Variants in SCD5 observed in about 807,000 individuals in gnomAD.
The protein encoded by SCD5 is stearoyl-CoA desaturase 5.
A neutral mutation model predicts 30.4 loss-of-function variants in SCD5; 20 were observed. That is an observed-to-expected ratio of 0.66 (90% CI 0.46 to 0.96). SCD5 has a LOEUF of 0.96. Among genes scored for constraint, SCD5 ranks in the 40% least tolerant of loss-of-function variants. The probability of loss-of-function intolerance (pLI) is 0.00; values close to 1 mark genes in which losing one functional copy is unlikely to be tolerated. For synonymous variants in SCD5, 173 were observed against 176.4 expected (o/e 0.98, Z 0.16); for missense variants, 381 against 443.3 (o/e 0.86, Z 1.26).
At chr4:82,746,942 G>A (rs13114875) in intron 1 of SCD5, among the ~76,000 whole-genome samples, 97,552 of 151,640 alleles carry the variant, frequency 0.64, 32,945 homozygotes, top group Non-Finnish European at 0.75. Context: ...TTAAGTGGAC[G>A]CAGACACAAG....
intron 1 of SCD5, among the ~76,000 whole-genome samples, chr4:82,769,527 G>A (rs1721572659): frequency 6.6e-6 from 1 of 152,036 alleles, no homozygotes; most frequent in Admixed American, 6.6e-5. Context: ...TTTCAGTATT[G>A]AACTGGGGAA....
chr4:82,721,677 G>C (rs1303117240), intron 1 of SCD5, among the ~76,000 whole-genome samples: 1 of 152,166 alleles, frequency 6.6e-6, no homozygotes, highest in East Asian at 1.9e-4. Flanking sequence ...AAGGAGAGAG[G>C]CCTGGAACAA....
intron 3 of SCD5, among the ~76,000 whole-genome samples, chr4:82,677,956 C>T (rs1728471401): frequency 6.6e-6 from 1 of 151,954 alleles, no homozygotes; most frequent in Non-Finnish European, 1.5e-5. Context: ...CAGCCAGGAG[C>T]ATGCCTTTAA....
intron 2 of SCD5, among the ~76,000 whole-genome samples, chr4:82,690,984 C>T (rs1373213425): frequency 6.6e-6 from 1 of 150,810 alleles, no homozygotes; most frequent in East Asian, 1.9e-4. Flanking sequence ...AAAGGAGGAC[C>T]TTAATATAGG....
intron 2 of SCD5, among the ~76,000 whole-genome samples, chr4:82,681,135 C>T (rs891552967): frequency 3.9e-5 from 6 of 152,104 alleles, no homozygotes; most frequent in African/African-American, 9.7e-5. Context: ...TCTCAGCTTA[C>T]GTGTGGGACG....
At chr4:82,747,281 T>C (rs977251128) in intron 1 of SCD5, among the ~76,000 whole-genome samples, 1 of 152,216 alleles carries the variant, frequency 6.6e-6, no homozygotes, top group Non-Finnish European at 1.5e-5. Context: ...CTCTGAGGGA[T>C]AGATGATATT....
intron 1 of SCD5, among the ~76,000 whole-genome samples, chr4:82,740,446 T>C (rs890985919): frequency 2.0e-5 from 3 of 152,238 alleles, no homozygotes; most frequent in African/African-American, 4.8e-5. Context: ...AGTATCAGGC[T>C]AACATCTCAT....
intron 1 of SCD5, among the ~76,000 whole-genome samples, chr4:82,724,204 TTTGACAG>T (rs1159020168): frequency 1.3e-5 from 2 of 152,244 alleles, no homozygotes; most frequent in African/African-American, 4.8e-5. Context: ...AACAAGTGTC[TTTGACAG>T]TTGATAACAA....
At chr4:82,638,002 G>GC (rs1243573862) in intron 3 of SCD5, among the ~76,000 whole-genome samples, 1 of 152,014 alleles carries the variant, frequency 6.6e-6, no homozygotes, top group Non-Finnish European at 1.5e-5. Context: ...TCCCCTCCCT[G>GC]CCCCACTGAC....
chr4:82,769,988 CT>C (rs1235724727), intron 1 of SCD5, among the ~76,000 whole-genome samples: 1 of 151,890 alleles, frequency 6.6e-6, no homozygotes, highest in African/African-American at 2.4e-5. Context: ...TGTTTTTCCC[CT>C]CCCACACCCT....
At chr4:82,661,122 G>C in intron 3 of SCD5, 1 of 1,566,072 alleles carries the variant, frequency 6.4e-7, no homozygotes, top group Non-Finnish European at 8.8e-7. Flanking sequence ...ACCCAGGTTT[G>C]TTCAGCAAGG....
At chr4:82,723,401 G>T (rs1284736994) in intron 1 of SCD5, among the ~76,000 whole-genome samples, 7 of 152,080 alleles carry the variant, frequency 4.6e-5, no homozygotes, top group African/African-American at 1.7e-4. Flanking sequence ...GGGCAGCAGA[G>T]AACTTTTATT....
intron 1 of SCD5, among the ~76,000 whole-genome samples, chr4:82,743,598 C>T (rs1032800276): frequency 3.9e-5 from 6 of 151,978 alleles, no homozygotes; most frequent in Non-Finnish European, 7.4e-5. Flanking sequence ...ACGGGCTCAC[C>T]GCAACTTCTA....
chr4:82,752,589 G>C (rs1037028113), intron 1 of SCD5, among the ~76,000 whole-genome samples: 2 of 152,122 alleles, frequency 1.3e-5, no homozygotes, highest in African/African-American at 4.8e-5. Context: ...GGTTGTTCCA[G>C]GGAGCATGAT....
intron 1 of SCD5, among the ~76,000 whole-genome samples, chr4:82,746,970 A>G (rs56342754): frequency 0.64 from 96,825 of 151,436 alleles, 32,613 homozygotes; most frequent in Non-Finnish European, 0.75. Context: ...GGGGGAGAGG[A>G]GGAACGGGGA....
intron 3 of SCD5, among the ~76,000 whole-genome samples, chr4:82,671,631 A>G (rs1365347512): frequency 6.6e-6 from 1 of 152,232 alleles, no homozygotes; most frequent in Non-Finnish European, 1.5e-5. Context: ...TTATCCCAGC[A>G]CTTTGGGAGG....
chr4:82,786,265 G>A (rs1721985279), intron 1 of SCD5, among the ~76,000 whole-genome samples: 1 of 151,850 alleles, frequency 6.6e-6, no homozygotes, highest in Admixed American at 6.5e-5. Context: ...TTGATGTTAA[G>A]GAGGAGGGTG....
chr4:82,795,719 G>A (rs769489569), intron 1 of SCD5, among the ~76,000 whole-genome samples: 2 of 151,194 alleles, frequency 1.3e-5, no homozygotes, highest in Non-Finnish European at 2.9e-5. Flanking sequence ...CTACTTGGGA[G>A]GCTGCGGTGG....
intron 1 of SCD5, among the ~76,000 whole-genome samples, chr4:82,713,544 C>G (rs571023789): frequency 1.3e-5 from 2 of 152,320 alleles, no homozygotes; most frequent in East Asian, 3.9e-4. Flanking sequence ...TTAACCAATA[C>G]AGCAATTGTC....
Sources: gnomAD v4.1 joint callset for allele counts (sites outside exome capture counted in the v4.1 genomes callset) on GRCh38, gnomAD v4.1.1 for gene constraint, MANE v1.5 for transcripts, NCBI Gene and HGNC (gene_info 2026-07-23, HGNC 2026-07-21) for gene names.